MAGI2: variants seen among roughly 807,000 people sequenced by gnomAD.
The protein encoded by MAGI2 is membrane associated guanylate kinase, WW and PDZ domain containing 2, also known as membrane-associated guanylate kinase, WW and PDZ domain-containing protein 2.
Under a neutral mutation model 133.3 loss-of-function variants are expected in MAGI2, and 35 were observed. That is an observed-to-expected ratio of 0.26 (90% CI 0.20 to 0.35). The LOEUF (loss-of-function observed/expected upper bound fraction) is 0.35, where lower values mean the gene tolerates loss of function less well. Ranked by LOEUF, MAGI2 falls within the 10% of genes least tolerant of loss-of-function variation. MAGI2 has a pLI of 1.00. For missense variants in MAGI2, 1,636 were observed against 1,863.4 expected (o/e 0.88, Z 2.25); for synonymous variants, 729 against 710.6 (o/e 1.03, Z -0.41).
At chr7:78,084,296 C>T (rs1450855821) in intron 20 of MAGI2, among the ~76,000 whole-genome samples, 2 of 152,132 alleles carry the variant, frequency 1.3e-5, no homozygotes, top group East Asian at 1.9e-4. Context: ...CATCATCGTT[C>T]CTCCCTTATA....
At chr7:78,785,691 T>C (rs889409406) in intron 2 of MAGI2, among the ~76,000 whole-genome samples, 1 of 152,232 alleles carries the variant, frequency 6.6e-6, no homozygotes, top group Non-Finnish European at 1.5e-5. Context: ...TCCTGTCTTC[T>C]AGGTGTATCA....
intron 1 of MAGI2, among the ~76,000 whole-genome samples, chr7:79,437,578 T>C (rs1421844142): frequency 6.6e-6 from 1 of 151,992 alleles, no homozygotes; most frequent in African/African-American, 2.4e-5. Flanking sequence ...ACTCAAAGAG[T>C]AATTCCTAGT....
chr7:78,666,035 A>G (rs1224882568), intron 2 of MAGI2, among the ~76,000 whole-genome samples: 1 of 152,178 alleles, frequency 6.6e-6, no homozygotes, highest in East Asian at 1.9e-4. Flanking sequence ...CCAGTTTCCA[A>G]CTGAAAACTG....
At chr7:78,426,847 C>G (rs1050576451) in intron 6 of MAGI2, among the ~76,000 whole-genome samples, 14 of 151,922 alleles carry the variant, frequency 9.2e-5, no homozygotes, top group African/African-American at 3.4e-4. Flanking sequence ...TAGTGAAAAG[C>G]AAATACAAGG....
chr7:79,207,650 T>C (rs1585203041), intron 1 of MAGI2, among the ~76,000 whole-genome samples: 1 of 151,786 alleles, frequency 6.6e-6, no homozygotes, highest in Non-Finnish European at 1.5e-5. Context: ...TGATCTGTAA[T>C]CAAAATACCA....
At chr7:79,327,251 A>G (rs137912802) in intron 1 of MAGI2, among the ~76,000 whole-genome samples, 93 of 152,310 alleles carry the variant, frequency 6.1e-4, no homozygotes, top group African/African-American at 2.2e-3. Context: ...TAAATGCCAT[A>G]AACGTGTTTG....
In MAGI2 at chr7:78,125,806, T is replaced by G; in HGVS notation, c.3455A>C (p.Lys1152Thr). ...GCTGAATCCAAATCCTTTGGCTCCT[T>G]TCTCCATGTCCACAGTGAAATAATC... Reference protein sequence around the residue: ...DFDYFTVDMEKGAKGFGFSIR... With the variant: ...DFDYFTVDMETGAKGFGFSIR... Residue 1152 changes from lysine to threonine, a missense_variant, in exon 20 of 22, where the codon AAA becomes ACA. Transcript: ENST00000354212. 6.2e-7 allele frequency: 1 copy of G among 1,614,198 alleles called. No individual in the cohort carries two copies.
intron 6 of MAGI2, among the ~76,000 whole-genome samples, chr7:78,384,629 T>C (rs1165982715): frequency 6.6e-6 from 1 of 152,192 alleles, no homozygotes; most frequent in African/African-American, 2.4e-5. Context: ...GAAGCAGCCT[T>C]TTCAAATTTA....
At chr7:78,892,622 A>C (rs1796860479) in intron 2 of MAGI2, among the ~76,000 whole-genome samples, 3 of 152,318 alleles carry the variant, frequency 2.0e-5, no homozygotes, top group Non-Finnish European at 2.9e-5. Context: ...AAAAACAAGC[A>C]TGGGGAAAGG....
At chr7:78,548,600 C>A (rs761652556) in intron 3 of MAGI2, among the ~76,000 whole-genome samples, 1 of 152,138 alleles carries the variant, frequency 6.6e-6, no homozygotes, top group South Asian at 2.1e-4. Context: ...GAGGCTGAGG[C>A]AGGAGAATCC....
At position 78,968,889 on chromosome 7, in the gene MAGI2, G is replaced by A. The variant is rs149169941; in HGVS notation, c.418+38201C>T. Among the ~76,000 whole-genome samples, 721 of 152,196 alleles carry A rather than the reference G, an allele frequency of 4.7e-3. 4 individuals are homozygous for A. Among genetic ancestry groups the A allele is most frequent in the Middle Eastern group, 0.02 (6 of 294 alleles). ...CAGCTGCTAATACAGGAGTTATTAA[G>A]AAATTATTTTGCAGTTAGAAAGAGT... On this transcript the variant is annotated intron_variant, in intron 2 of 21. Transcript: ENST00000354212.
At chr7:79,165,785 T>G (rs956620140) in intron 1 of MAGI2, among the ~76,000 whole-genome samples, 43 of 152,250 alleles carry the variant, frequency 2.8e-4, no homozygotes, top group African/African-American at 1.0e-3. Context: ...ATAGCTTACT[T>G]TTTTACAAGG....
At position 79,168,885 on chromosome 7, in the gene MAGI2, GATAGATATATATATATAT is replaced by G. The variant is rs1490177037; in HGVS notation, c.302-161697_302-161680del. Among the ~76,000 whole-genome samples the G allele has an allele frequency of 3.2e-4, 44 of 138,854 alleles. No individual in the cohort carries two copies. The South Asian group carries it at 8.1e-3, about 26-fold the overall frequency. The allele number at this position is 138,854 out of a possible 152,430, so 91.1% of individuals were successfully genotyped here. A position where few individuals can be genotyped will look rare whatever the true frequency, so the allele number is the denominator to read the frequency against. ...TGTCTGCCAGGTTTTTCTTTCTAAA[GATAGATATATATATATAT>G]ATATATATATATATATATATATATA... On this transcript the variant is annotated intron_variant, in intron 1 of 21. Transcript: ENST00000354212.
At chr7:79,106,029 C>T (rs1415868199) in intron 1 of MAGI2, among the ~76,000 whole-genome samples, 5 of 152,006 alleles carry the variant, frequency 3.3e-5, no homozygotes, top group Non-Finnish European at 7.4e-5. Context: ...CTGGAATGTG[C>T]CTGTTGAAAG....
chr7:78,132,782 A>G (rs1375103859), intron 18 of MAGI2, 107 bp downstream of exon 18: 16 of 1,526,384 alleles, frequency 1.0e-5, no homozygotes, highest in Non-Finnish European at 1.4e-5. Flanking sequence ...GGCGATTTCT[A>G]CTTTATAAAA....
At chr7:78,480,736 G>C (rs1337345881) in intron 6 of MAGI2, among the ~76,000 whole-genome samples, 1 of 151,740 alleles carries the variant, frequency 6.6e-6, no homozygotes. Flanking sequence ...TGAGATCTAT[G>C]ACCAACACAT....
At chr7:78,663,851 T>A (rs1813250513) in intron 2 of MAGI2, among the ~76,000 whole-genome samples, 3 of 152,208 alleles carry the variant, frequency 2.0e-5, no homozygotes, top group African/African-American at 7.2e-5. Flanking sequence ...TCATGACTAA[T>A]CTCCCTTTTA....
chr7:78,944,862 G>A (rs1317727616), intron 2 of MAGI2, among the ~76,000 whole-genome samples: 1 of 151,646 alleles, frequency 6.6e-6, no homozygotes, highest in African/African-American at 2.4e-5. Flanking sequence ...TCAGCCTCTG[G>A]AGTAGATGGA....
At chr7:79,374,329 A>AAC (rs35379400) in intron 1 of MAGI2, among the ~76,000 whole-genome samples, 69,201 of 149,644 alleles carry the variant, frequency 0.46, 16,687 homozygotes, top group African/African-American at 0.61. Flanking sequence ...CACCCACACA[A>AAC]ACACACACAC....
Sources: gnomAD v4.1 joint callset for allele counts (sites outside exome capture counted in the v4.1 genomes callset) on GRCh38, gnomAD v4.1.1 for gene constraint, MANE v1.5 for transcripts, NCBI Gene and HGNC (gene_info 2026-07-23, HGNC 2026-07-21) for gene names.